FBXL20: variants seen among roughly 807,000 people sequenced by gnomAD.
The protein encoded by FBXL20 is F-box and leucine rich repeat protein 20.
FBXL20 carries 11 observed loss-of-function variants against 64.0 expected under a neutral mutation model. That is an observed-to-expected ratio of 0.17 (90% confidence interval 0.11 to 0.28). The LOEUF (loss-of-function observed/expected upper bound fraction) is 0.28, where lower values mean the gene tolerates loss of function less well. Among genes scored for constraint, FBXL20 ranks in the 10% least tolerant of loss-of-function variants. The pLI is 1.00. For missense variants in FBXL20, 303 were observed against 526.2 expected, an observed-to-expected ratio of 0.58 and a Z score of 4.15; for synonymous variants, 184 against 189.0, an observed-to-expected ratio of 0.97 and a Z score of 0.22.
intron 6 of FBXL20, among the ~76,000 whole-genome samples, chr17:39,294,707 G>C (rs1049338556): frequency 6.6e-6 from 1 of 152,102 alleles, no homozygotes; most frequent in Non-Finnish European, 1.5e-5. Context: ...TTTTAGAGGA[G>C]TGATAAAAGT....
In FBXL20 at chr17:39,254,421, G is replaced by T. The variant is rs1366392221; in HGVS notation, c.*7039C>A. On this transcript the variant is annotated 3_prime_UTR_variant, in exon 15 of 15. Transcript: ENST00000264658. ...GATCCTTGGTTCTTGGGGCATGACAGAAGAGAAAAGGTAAATATGTCTGGA... is the reference window on the plus strand; with the variant it reads ...GATCCTTGGTTCTTGGGGCATGACATAAGAGAAAAGGTAAATATGTCTGGA... 1 of 152,552 alleles carries T rather than the reference G, an allele frequency of 6.6e-6. No individual in the cohort carries two copies. Among genetic ancestry groups the T allele is most frequent in the East Asian group, 1.9e-4 (1 of 5,336 alleles). The allele number at this position is 152,552 out of a possible 1,614,324, so 9.4% of individuals were successfully genotyped here.
chr17:39,328,104 C>A (rs547885521), intron 2 of FBXL20, among the ~76,000 whole-genome samples: 2 of 151,388 alleles, frequency 1.3e-5, no homozygotes, highest in South Asian at 2.1e-4. Context: ...AAAAATTAGC[C>A]GGGCGTGGTG....
intron 2 of FBXL20, among the ~76,000 whole-genome samples, chr17:39,333,950 C>CA (rs2047493143): frequency 6.6e-6 from 1 of 150,880 alleles, no homozygotes; most frequent in African/African-American, 2.4e-5. Flanking sequence ...TCTGCCCAGC[C>CA]GCCACCCCGT....
chr17:39,286,596 C>T (rs1426777794), intron 6 of FBXL20, among the ~76,000 whole-genome samples: 1 of 152,094 alleles, frequency 6.6e-6, no homozygotes, highest in Non-Finnish European at 1.5e-5. Context: ...GTCAGGAGTT[C>T]TAGACCAGCC....
chr17:39,296,600 G>T lies in FBXL20; in HGVS notation c.398+527C>A, dbSNP rs1315911391. Among the ~76,000 whole-genome samples, 5 of 147,030 alleles carry T rather than the reference G, an allele frequency of 3.4e-5. No individual in the cohort carries two copies. In the South Asian group the frequency reaches 6.8e-4, roughly 20 times the overall value. On this transcript the variant is annotated intron_variant, in intron 6 of 14. Coordinates refer to ENST00000264658, the MANE Select transcript of FBXL20 (RefSeq NM_032875.3). ...AAAAAAAAAGAAATACTTATTAGTA[G>T]AGTTAATGAATAACTACCCTCTAGG...
chr17:39,349,324 CAAAAAAAAA>C (rs1170336581), intron 1 of FBXL20, among the ~76,000 whole-genome samples: 16 of 40,530 alleles, frequency 3.9e-4, no homozygotes, highest in African/African-American at 1.5e-3. Flanking sequence ...GATTCCATCT[CAAAAAAAAA>C]AAAAAAAAAA....
At chr17:39,279,530 T>C (rs997104450) in intron 9 of FBXL20, among the ~76,000 whole-genome samples, 1 of 152,110 alleles carries the variant, frequency 6.6e-6, no homozygotes, top group Non-Finnish European at 1.5e-5. Flanking sequence ...TTATCACTTT[T>C]TTCTTTGCCA....
At chr17:39,261,780 T>C (rs2046747824) in intron 14 of FBXL20, among the ~76,000 whole-genome samples, 1 of 152,024 alleles carries the variant, frequency 6.6e-6, no homozygotes, top group African/African-American at 2.4e-5. Context: ...TGGTACCTGT[T>C]TGTGTAATAA....
intron 2 of FBXL20, among the ~76,000 whole-genome samples, chr17:39,314,134 T>C (rs2047262405): frequency 6.6e-6 from 1 of 152,166 alleles, no homozygotes; most frequent in Non-Finnish European, 1.5e-5. Context: ...TCAACATTAT[T>C]TCTCTATAGA....
At chr17:39,344,150 C>T (rs547622035) in intron 1 of FBXL20, among the ~76,000 whole-genome samples, 2 of 152,242 alleles carry the variant, frequency 1.3e-5, no homozygotes, top group South Asian at 4.1e-4. Flanking sequence ...GCATGAGCCA[C>T]CATACCTGGC....
intron 1 of FBXL20, among the ~76,000 whole-genome samples, chr17:39,372,191 A>G (rs1228523464): frequency 3.3e-5 from 5 of 152,084 alleles, no homozygotes; most frequent in Admixed American, 2.6e-4. Flanking sequence ...GTGATTTTCA[A>G]AACAGCCTGG....
intron 1 of FBXL20, among the ~76,000 whole-genome samples, chr17:39,370,852 T>A (rs1241231753): frequency 1.3e-5 from 2 of 151,786 alleles, no homozygotes; most frequent in African/African-American, 4.8e-5. Flanking sequence ...CCCTTCTACC[T>A]CTTTTCACCC....
intron 1 of FBXL20, among the ~76,000 whole-genome samples, chr17:39,395,211 G>C (rs1424819198): frequency 6.6e-6 from 1 of 152,090 alleles, no homozygotes; most frequent in Admixed American, 6.6e-5. Context: ...GATCACCTGA[G>C]GTCAGAAGTT....
intron 2 of FBXL20, among the ~76,000 whole-genome samples, chr17:39,326,809 T>C (rs2047413653): frequency 6.6e-6 from 1 of 150,528 alleles, no homozygotes; most frequent in South Asian, 2.1e-4. Context: ...CACGCTTTTG[T>C]AGAGACAGGG....
intron 1 of FBXL20, among the ~76,000 whole-genome samples, chr17:39,348,110 G>C (rs1391528714): frequency 6.8e-6 from 1 of 146,640 alleles, no homozygotes; most frequent in East Asian, 2.0e-4. Context: ...GGTAGAGAGA[G>C]AGTCTCGCAG....
intron 2 of FBXL20, among the ~76,000 whole-genome samples, chr17:39,315,981 G>T (rs560377799): frequency 6.6e-6 from 1 of 152,090 alleles, no homozygotes; most frequent in Non-Finnish European, 1.5e-5. Flanking sequence ...CCAGCTTTTG[G>T]AAAGGCCAAG....
upstream of FBXL20, chr17:39,402,308 T>TCCCCCGCCC (rs1364767835): frequency 9.9e-6 from 9 of 909,204 alleles, no homozygotes; most frequent in East Asian, 2.7e-4. Context: ...CTCCCCCGCC[T>TCCCCCGCCC]CCCCCGCCCC....
chr17:39,348,493 T>G (rs1025997887), intron 1 of FBXL20, among the ~76,000 whole-genome samples: 1 of 151,988 alleles, frequency 6.6e-6, no homozygotes, highest in Non-Finnish European at 1.5e-5. Flanking sequence ...AGTCTCAGTA[T>G]GTTGACCAGG....
intron 2 of FBXL20, among the ~76,000 whole-genome samples, chr17:39,316,765 G>A (rs8079355): frequency 0.38 from 57,997 of 152,154 alleles, 14,229 homozygotes; most frequent in African/African-American, 0.7. Context: ...GCGGGGGTGG[G>A]CCACCTGAGG....
Sources: gnomAD v4.1 joint callset for allele counts (sites outside exome capture counted in the v4.1 genomes callset) on GRCh38, gnomAD v4.1.1 for gene constraint, MANE v1.5 for transcripts, NCBI Gene and HGNC (gene_info 2026-07-23, HGNC 2026-07-21) for gene names.